The following TRA2B variants were observed in gnomAD, a reference collection of about 807,000 sequenced individuals.
TRA2B encodes transformer 2 beta homolog.
TRA2B carries 14 observed loss-of-function variants against 41.7 expected under a neutral mutation model. That is an observed-to-expected ratio of 0.34 (90% CI 0.22 to 0.53). The LOEUF is 0.53. Among genes scored for constraint, TRA2B ranks in the 20% least tolerant of loss-of-function variants. The pLI is 0.95. For synonymous variants in TRA2B, 130 were observed against 128.8 expected (o/e 1.01, Z -0.06); for missense variants, 167 against 396.8 (o/e 0.42, Z 4.92).
rs751398222 is a variant in TRA2B at position 185,937,808 on chromosome 3, A to G, written c.36+17T>C. On this transcript the variant is annotated intron_variant, in intron 1 of 8. Transcript: ENST00000453386. ...AGCTAGGACCACACAGCCACCCCCT[A>G]CCGCAGCTCTACGTACCCGCTCGCC... 5.6e-6 allele frequency: 9 copies of G among 1,613,742 alleles called. No individual in the cohort carries two copies. The highest frequency in any genetic ancestry group is 7.6e-6 in the Non-Finnish European group (9 of 1,179,978).
intron 1 of TRA2B, chr3:185,936,780 A>G: frequency 2.0e-6 from 2 of 985,276 alleles, no homozygotes; most frequent in Non-Finnish European, 2.4e-6. Flanking sequence ...AATTCTAGCA[A>G]GCCTCGTATG....
chr3:185,935,224 A>G (rs996938626), intron 1 of TRA2B: 1 of 985,292 alleles, frequency 1.0e-6, no homozygotes, highest in African/African-American at 1.7e-5. Flanking sequence ...TTGGGGGAAG[A>G]GTCTTGAATC....
intron 3 of TRA2B, chr3:185,925,247 C>CA (rs1189476619): frequency 2.2e-6 from 1 of 444,544 alleles, no homozygotes; most frequent in Non-Finnish European, 4.0e-6. Context: ...TAAGGAGTTA[C>CA]ACCATTGTGT....
chr3:185,929,258 T>TA (rs1744063328), intron 1 of TRA2B, among the ~76,000 whole-genome samples: 1 of 152,188 alleles, frequency 6.6e-6, no homozygotes, highest in South Asian at 2.1e-4. Context: ...GGCAAGGGAA[T>TA]AAAACTTGCC....
intron 5 of TRA2B, among the ~76,000 whole-genome samples, chr3:185,921,784 C>T (rs186552546): frequency 6.6e-6 from 1 of 151,950 alleles, no homozygotes; most frequent in Non-Finnish European, 1.5e-5. Context: ...AAAAACAAAA[C>T]CAAACAACAA....
At position 185,922,362 on chromosome 3, in the gene TRA2B, T is replaced by C. The variant is rs377201557; in HGVS notation, c.523-236A>G. The C allele has an allele frequency of 3.3e-5, 11 of 332,580 alleles. No homozygotes were observed. In the East Asian group the frequency reaches 5.1e-4, roughly 15 times the overall value. The allele number at this position is 332,580 out of a possible 1,614,324, so 20.6% of individuals were successfully genotyped here. On this transcript the variant is annotated intron_variant, in intron 4 of 8. Transcript: ENST00000453386. ...TTTTACCTAACTATGATCCTGACAG[T>C]ATTTCCAGCTCCAAAGCAGCACACA...
chr3:185,936,414 C>T (rs1053174589), intron 1 of TRA2B: 1 of 985,196 alleles, frequency 1.0e-6, no homozygotes, highest in Non-Finnish European at 1.2e-6. Flanking sequence ...GGAAAAACAT[C>T]AAAAACTAAA....
chr3:185,934,521 G>GA, intron 1 of TRA2B: 2 of 985,064 alleles, frequency 2.0e-6, no homozygotes, highest in South Asian at 4.7e-5. Context: ...TTAAAACCAA[G>GA]AAAAAAATAT....
chr3:185,934,069 GT>G (rs766521159), intron 1 of TRA2B, among the ~76,000 whole-genome samples: 18 of 152,074 alleles, frequency 1.2e-4, no homozygotes, highest in Admixed American at 2.6e-4. Flanking sequence ...TTGGTTTGCA[GT>G]TTAAAAACAA....
chr3:185,919,342 T>C (rs1578471769), intron 7 of TRA2B, 95 bp downstream of exon 7: 1 of 936,522 alleles, frequency 1.1e-6, no homozygotes, highest in African/African-American at 1.6e-5. Flanking sequence ...TGATTTTGGG[T>C]ATTCCACTTA....
chr3:185,918,524 T>C, intron 7 of TRA2B, 86 bp from the exon 8 acceptor site: 2 of 815,668 alleles, frequency 2.5e-6, no homozygotes, highest in South Asian at 2.0e-5. Flanking sequence ...ATACTGCCCT[T>C]TCATCAGTTC....
At chr3:185,927,758 A>T (rs1744006874) in intron 1 of TRA2B, 1 of 152,264 alleles carries the variant, frequency 6.6e-6, no homozygotes, top group African/African-American at 2.4e-5. Flanking sequence ...ACACATAATC[A>T]ACAAAAGGGT....
At chr3:185,935,716 AGCTT>A in intron 1 of TRA2B, 2 of 985,392 alleles carry the variant, frequency 2.0e-6, no homozygotes, top group Non-Finnish European at 2.4e-6. Context: ...TGTTCCATTG[AGCTT>A]TATGGTTTTC....
Position 185,915,502 on chromosome 3 carries a change from C to T in TRA2B, c.*2213G>A, listed in dbSNP as rs760435906. On this transcript the variant is annotated 3_prime_UTR_variant, in exon 9 of 9. Coordinates refer to ENST00000453386, the MANE Select transcript of TRA2B (RefSeq NM_004593.3). Reference sequence around the variant, plus strand: ...TAACTGCTGCCTCCCTTTCATGAAACTGGCGACTAGCATTACAGCACATCA... The same window carrying T: ...TAACTGCTGCCTCCCTTTCATGAAATTGGCGACTAGCATTACAGCACATCA... 6.6e-6 allele frequency among the ~76,000 whole-genome samples: 1 copy of T among 152,180 alleles called. No individual in the cohort carries two copies. The highest frequency in any genetic ancestry group is 2.4e-5 in the African/African-American group (1 of 41,444).
At chr3:185,917,829 T>C (rs1743558619) in intron 8 of TRA2B, 104 bp from the exon 9 acceptor site, 1 of 1,271,272 alleles carries the variant, frequency 7.9e-7, no homozygotes, top group African/African-American at 1.5e-5. Context: ...GAAATTCCTA[T>C]GTGCCAGAAC....
intron 1 of TRA2B, among the ~76,000 whole-genome samples, chr3:185,930,785 C>T (rs1414750752): frequency 2.0e-5 from 3 of 152,136 alleles, no homozygotes; most frequent in Non-Finnish European, 4.4e-5. Context: ...GTAACCGTTA[C>T]CTCTAACATT....
At position 185,918,344 on chromosome 3, in the gene TRA2B, C is replaced by CAA. The variant is rs779073999; in HGVS notation, c.856+20_856+21insTT. On this transcript the variant is annotated intron_variant, in intron 8 of 8. Coordinates refer to ENST00000453386, the MANE Select transcript of TRA2B (RefSeq NM_004593.3). ...CAAGCCATACTACAATATAAACAAT[C>CAA]ATATTAAGATAAAAACTTACGAGGT... is the stretch of plus-strand genomic sequence containing the variant. 1.9e-6 allele frequency: 3 copies of CAA among 1,562,536 alleles called. No individual in the cohort carries two copies. The East Asian group carries it at 6.7e-5, about 35-fold the overall frequency.
intron 2 of TRA2B, 151 bp downstream of exon 2, chr3:185,926,450 A>T: frequency 9.9e-7 from 1 of 1,014,326 alleles, no homozygotes; most frequent in Non-Finnish European, 1.4e-6. Flanking sequence ...AACCGCTTTT[A>T]GTCTTGCCTC....
intron 1 of TRA2B, among the ~76,000 whole-genome samples, chr3:185,932,421 G>A (rs994860573): frequency 3.3e-5 from 5 of 152,168 alleles, no homozygotes; most frequent in African/African-American, 1.2e-4. Flanking sequence ...GAGCTTAAGT[G>A]TAACCCACCC....
Sources: allele counts gnomAD v4.1 joint callset (sites outside exome capture counted in the v4.1 genomes callset), GRCh38; gene constraint gnomAD v4.1.1; transcripts MANE v1.5; gene names NCBI Gene and HGNC (gene_info 2026-07-23, HGNC 2026-07-21).